The following UQCC1 variants were observed in gnomAD, a reference collection of about 807,000 sequenced individuals.
UQCC1 encodes the protein ubiquinol-cytochrome c reductase complex assembly factor 1.
A neutral mutation model predicts 48.0 loss-of-function variants in UQCC1; 38 were observed. The observed-to-expected ratio is 0.79, with a 90% confidence interval of 0.61 to 1.04. The LOEUF (loss-of-function observed/expected upper bound fraction) is 1.04. Ranked by LOEUF, UQCC1 falls within the 50% of genes least tolerant of loss-of-function variation. The probability of loss-of-function intolerance (pLI) is 0.00; values close to 1 mark genes in which losing one functional copy is unlikely to be tolerated. For missense variants in UQCC1, 368 were observed against 381.8 expected, an observed-to-expected ratio of 0.96 and a Z score of 0.30; for synonymous variants, 111 against 129.2, an observed-to-expected ratio of 0.86 and a Z score of 0.95.
At chr20:35,358,257 G>A (rs1388444465) in intron 6 of UQCC1, among the ~76,000 whole-genome samples, 1 of 151,042 alleles carries the variant, frequency 6.6e-6, no homozygotes, top group Non-Finnish European at 1.5e-5. Context: ...CGGAGGCTGA[G>A]GCAGGAGAAT....
chr20:35,386,127 C>T (rs1405110599), intron 2 of UQCC1: 6 of 320,292 alleles, frequency 1.9e-5, no homozygotes, highest in Non-Finnish European at 3.0e-5. Context: ...GCGTAGACTG[C>T]ATATGGGCAA....
chr20:35,381,785 G>A lies in UQCC1; in HGVS notation c.333+133C>T, dbSNP rs569499945. On this transcript the variant is annotated intron_variant, in intron 4 of 9. Coordinates refer to ENST00000374385, the MANE Select transcript of UQCC1 (RefSeq NM_018244.5). Reference sequence around the variant, plus strand: ...GGTGATCAATGGGGTGACAGATGTCGCAGCTAGATCGTCCTCACATCCAAA... The same window carrying A: ...GGTGATCAATGGGGTGACAGATGTCACAGCTAGATCGTCCTCACATCCAAA... The A allele has an allele frequency of 4.5e-5, 29 of 646,904 alleles. 1 individual carries two copies. Among genetic ancestry groups the A allele is most frequent in the South Asian group, 3.0e-4 (16 of 52,494 alleles). The allele number at this position is 646,904 out of a possible 1,614,324, so 40.1% of individuals were successfully genotyped here. A position where few individuals can be genotyped will look rare whatever the true frequency, so the allele number is the denominator to read the frequency against.
At chr20:35,350,770 G>A (rs2061482002) in intron 6 of UQCC1, among the ~76,000 whole-genome samples, 1 of 151,890 alleles carries the variant, frequency 6.6e-6, no homozygotes, top group African/African-American at 2.4e-5. Flanking sequence ...GCCAGGCGCA[G>A]TGGCTCACAC....
At chr20:35,309,860 A>G (rs1388288747) in intron 8 of UQCC1, among the ~76,000 whole-genome samples, 1 of 152,232 alleles carries the variant, frequency 6.6e-6, no homozygotes, top group Non-Finnish European at 1.5e-5. Context: ...ATATGGTCTG[A>G]GCTCTCAGGG....
chr20:35,376,867 G>A (rs893322480), intron 4 of UQCC1, among the ~76,000 whole-genome samples: 13 of 151,646 alleles, frequency 8.6e-5, no homozygotes, highest in South Asian at 6.2e-4. Context: ...CAGAAGAATC[G>A]CTTGAACCCA....
chr20:35,338,856 G>GAAAAAA (rs1172467457), intron 7 of UQCC1, among the ~76,000 whole-genome samples: 4 of 26,846 alleles, frequency 1.5e-4, no homozygotes, highest in African/African-American at 2.9e-4. Flanking sequence ...CGTCTCAAAA[G>GAAAAAA]AAAAAAAAAA....
chr20:35,357,570 T>C lies in UQCC1; in HGVS notation c.464+8987A>G, dbSNP rs117202570. Among the ~76,000 whole-genome samples, 423 of 149,092 alleles carry C rather than the reference T, an allele frequency of 2.8e-3. 19 individuals carry two copies. In the East Asian group the frequency reaches 0.063, roughly 22 times the overall value. ...TGCATGACTGTAGTCTCAGCTACAG[T>C]CTGAGGCAGGAGAATCGCTTGAGCC... is the stretch of plus-strand genomic sequence containing the variant. On this transcript the variant is annotated intron_variant, in intron 6 of 9. Coordinates refer to ENST00000374385, the MANE Select transcript of UQCC1 (RefSeq NM_018244.5).
At chr20:35,370,284 G>A (rs1047331388) in intron 5 of UQCC1, among the ~76,000 whole-genome samples, 1 of 150,984 alleles carries the variant, frequency 6.6e-6, no homozygotes, top group African/African-American at 2.4e-5. Context: ...TCAGCTCAAG[G>A]GATCCTCCTG....
At chr20:35,403,883 G>A (rs2062205972) in intron 1 of UQCC1, among the ~76,000 whole-genome samples, 1 of 152,174 alleles carries the variant, frequency 6.6e-6, no homozygotes, top group South Asian at 2.1e-4. Context: ...GACACAGGAA[G>A]GGGAACATCA....
intron 1 of UQCC1, among the ~76,000 whole-genome samples, chr20:35,408,332 G>A (rs1284745034): frequency 6.6e-6 from 1 of 151,986 alleles, no homozygotes; most frequent in African/African-American, 2.4e-5. Context: ...GGGAGGCTAA[G>A]ATGAGAGGAT....
chr20:35,340,449 G>C (rs1025970397), intron 7 of UQCC1, among the ~76,000 whole-genome samples: 7 of 152,170 alleles, frequency 4.6e-5, no homozygotes, highest in African/African-American at 1.7e-4. Context: ...TGGTATCTGA[G>C]AACATGTATT....
intron 1 of UQCC1, among the ~76,000 whole-genome samples, chr20:35,409,006 CAGA>C (rs1315727739): frequency 6.6e-6 from 1 of 152,092 alleles, no homozygotes; most frequent in African/African-American, 2.4e-5. Flanking sequence ...CTCACGGAGA[CAGA>C]AAGTAGAATG....
chr20:35,367,107 A>AC (rs920944908), intron 5 of UQCC1, among the ~76,000 whole-genome samples: 18 of 149,972 alleles, frequency 1.2e-4, no homozygotes, highest in East Asian at 2.1e-4. Context: ...AAAAAAAAAA[A>AC]AACAAACAAA....
In UQCC1 at chr20:35,303,891, G is replaced by C; in HGVS notation, c.*44C>G. On this transcript the variant is annotated 3_prime_UTR_variant, in exon 10 of 10. Transcript: ENST00000374385. The stretch of plus-strand genomic sequence containing the variant: ...ACCAACAGGCACTTCTCTCCTGGAG[G>C]TTCCTCGAAGCCAGCTGGCGGGCCG... The C allele has an allele frequency of 6.2e-7, 1 of 1,613,898 alleles. No individual in the cohort carries two copies. The highest frequency in any genetic ancestry group is 1.1e-5 in the South Asian group (1 of 91,044).
At chr20:35,345,184 C>T (rs2061419508) in intron 7 of UQCC1, 1 of 152,204 alleles carries the variant, frequency 6.6e-6, no homozygotes, top group Non-Finnish European at 1.5e-5. Flanking sequence ...TGAGCCGCTC[C>T]AGCAAATTAA....
intron 7 of UQCC1, among the ~76,000 whole-genome samples, chr20:35,332,285 G>T (rs1373010604): frequency 6.6e-6 from 1 of 152,224 alleles, no homozygotes; most frequent in African/African-American, 2.4e-5. Flanking sequence ...CCAAAGGTAG[G>T]TGTGTCTTCC....
Position 35,354,089 on chromosome 20 carries a change from G to A in UQCC1, c.465-6817C>T, listed in dbSNP as rs575577776. ...GCCATAGGTCATACCATACATCCTA[G>A]GTATATAACAGGCTATACCACCGAG... On this transcript the variant is annotated intron_variant, in intron 6 of 9. Transcript: ENST00000374385. Among the ~76,000 whole-genome samples, 8 of 151,974 alleles carry A rather than the reference G, an allele frequency of 5.3e-5. No individual in the cohort carries two copies. In the South Asian group the frequency reaches 1.5e-3, roughly 28 times the overall value.
At chr20:35,346,782 C>A in intron 7 of UQCC1, 1 of 515,806 alleles carries the variant, frequency 1.9e-6, no homozygotes. Flanking sequence ...CAGGGCCTCC[C>A]ATCAGAACTA....
Position 35,321,283 on chromosome 20 carries a change from TGC to T in UQCC1, c.574-6520_574-6519del, listed in dbSNP as rs60488465. Among the ~76,000 whole-genome samples, 829 of 141,508 alleles carry T rather than the reference TGC, an allele frequency of 5.9e-3. 4 individuals carry two copies. The highest frequency in any genetic ancestry group is 0.027 in the East Asian group (134 of 5,016). 92.8% of individuals were successfully genotyped at this position (141,508 alleles called of 152,430 possible). A position where few individuals can be genotyped will look rare whatever the true frequency, so the allele number is the denominator to read the frequency against. ...GTGTGTGTGTGTGTGTGTGTGTGTG[TGC>T]GCGCGCGCGCGCGCACGCTCAGGCA... On this transcript the variant is annotated intron_variant, in intron 7 of 9. Coordinates refer to ENST00000374385, the MANE Select transcript of UQCC1 (RefSeq NM_018244.5).
Sources: gnomAD v4.1 joint callset for allele counts (sites outside exome capture counted in the v4.1 genomes callset) on GRCh38, gnomAD v4.1.1 for gene constraint, MANE v1.5 for transcripts, NCBI Gene and HGNC (gene_info 2026-07-23, HGNC 2026-07-21) for gene names.